The following SS18L1 variants were observed in gnomAD, a reference collection of about 807,000 sequenced individuals.
The protein encoded by SS18L1 is calcium-responsive transactivator.
Under a neutral mutation model 70.3 loss-of-function variants are expected in SS18L1, and 32 were observed. That is an observed-to-expected ratio of 0.46 (90% CI 0.34 to 0.61). The LOEUF (loss-of-function observed/expected upper bound fraction) is 0.61, where lower values mean the gene tolerates loss of function less well. Among genes scored for constraint, SS18L1 ranks in the 20% least tolerant of loss-of-function variants. The pLI is 0.01. For missense variants in SS18L1, 430 were observed against 542.1 expected (o/e 0.79, Z 2.05); for synonymous variants, 237 against 229.7 (o/e 1.03, Z -0.29).
At chr20:62,171,877 G>C (rs553034841) in intron 8 of SS18L1, among the ~76,000 whole-genome samples, 9 of 152,068 alleles carry the variant, frequency 5.9e-5, no homozygotes, top group African/African-American at 2.2e-4. Flanking sequence ...AATTACCTGG[G>C]CATGGTCGGG....
At chr20:62,150,636 T>A (rs1014487878) in intron 1 of SS18L1, among the ~76,000 whole-genome samples, 2 of 50,712 alleles carry the variant, frequency 3.9e-5, no homozygotes, top group South Asian at 9.7e-4. Context: ...GAGGTGGATT[T>A]TTTTTTTTTT....
chr20:62,174,285 C>T lies in SS18L1; in HGVS notation c.1037-232C>T, dbSNP rs1281829159. Among the ~76,000 whole-genome samples the T allele has an allele frequency of 6.6e-6, 1 of 152,022 alleles. No homozygotes were observed. Among genetic ancestry groups the T allele is most frequent in the Non-Finnish European group, 1.5e-5 (1 of 68,008 alleles). On this transcript the variant is annotated intron_variant, in intron 9 of 10. Transcript: ENST00000331758. This position sits in a 1 kb window ranked among gnomAD's most constrained non-coding sequence, Gnocchi z 4.1. ...GGGGCCTGGGGCACAGTCCTGGGAC[C>T]TCACAGGACTGGAGGGGCTGGTGAG...
In SS18L1 at chr20:62,179,141, C is replaced by T. The variant is rs745609136; in HGVS notation, c.1165-41C>T. ...GGTGGACGTCTGTCTTCCTTTCACT[C>T]ATTACTATAGGGGTGTAATCTGTGT... On this transcript the variant is annotated intron_variant, in intron 10 of 10. Coordinates refer to ENST00000331758, the MANE Select transcript of SS18L1 (RefSeq NM_198935.3). The T allele has an allele frequency of 6.8e-6, 11 of 1,612,196 alleles. No homozygotes were observed. In the East Asian group the frequency reaches 2.0e-4, roughly 29 times the overall value.
intron 3 of SS18L1, among the ~76,000 whole-genome samples, chr20:62,160,325 AGAGAGGTGGGGTGGG>A (rs2057303204): frequency 3.8e-5 from 1 of 26,202 alleles, no homozygotes; most frequent in African/African-American, 2.8e-4. Context: ...GGAGAGGTGG[AGAGAGGTGGGGTGGG>A]GAGAGGTGGA....
At chr20:62,157,362 G>A (rs979167284) in intron 1 of SS18L1, among the ~76,000 whole-genome samples, 2 of 152,246 alleles carry the variant, frequency 1.3e-5, no homozygotes, top group Non-Finnish European at 2.9e-5. Flanking sequence ...GGCGCTTTGG[G>A]AAGGAAACCT....
chr20:62,161,444 G>A lies in SS18L1; in HGVS notation c.240G>A (p.Thr80=), dbSNP rs765950209. Residue 80 remains threonine (T), a synonymous_variant, in exon 4 of 11, where the codon ACG becomes ACA. Coordinates refer to ENST00000331758, the MANE Select transcript of SS18L1 (RefSeq NM_198935.3). The surrounding 1 kb of genome is among the most constrained non-coding windows in gnomAD (Gnocchi z 4.4). ...CTTCCTGTTGCCTGCAGCCGCCCAC[G>A]CAGAACATGAACCTGGGCCCTGGAG... ...NMQSLLPAPP[T]QNMNLGPGAL... 6 of 1,612,790 alleles carry A rather than the reference G, an allele frequency of 3.7e-6. No individual in the cohort carries two copies. Among genetic ancestry groups the A allele is most frequent in the Admixed American group, 1.7e-5 (1 of 60,010 alleles).
At chr20:62,163,852 C>T (rs578016272) in intron 6 of SS18L1, among the ~76,000 whole-genome samples, 4 of 152,064 alleles carry the variant, frequency 2.6e-5, no homozygotes, top group South Asian at 2.1e-4. Context: ...GGGGCAGGGG[C>T]GGCAGTTGTC....
rs74586682 is a variant in SS18L1, at chr20:62,180,311, A to G, written c.*1103A>G. Reference sequence around the variant, plus strand: ...AACTTGAGTAATTTTTACATTTCTAAGACATTAAATCCCATTTAAATTCTG... The same window carrying G: ...AACTTGAGTAATTTTTACATTTCTAGGACATTAAATCCCATTTAAATTCTG... On this transcript the variant is annotated 3_prime_UTR_variant, in exon 11 of 11. Transcript: ENST00000331758. The G allele has an allele frequency of 0.029, 5,439 of 190,174 alleles. 288 individuals carry two copies. Among genetic ancestry groups the G allele is most frequent in the African/African-American group, 0.12 (5,034 of 42,998 alleles). The allele number at this position is 190,174 out of a possible 1,614,324, so 11.8% of individuals were successfully genotyped here. A position where few individuals can be genotyped will look rare whatever the true frequency, so the allele number is the denominator to read the frequency against.
At chr20:62,177,675 T>C (rs1188392824) in intron 10 of SS18L1, among the ~76,000 whole-genome samples, 1 of 152,236 alleles carries the variant, frequency 6.6e-6, no homozygotes, top group African/African-American at 2.4e-5. Flanking sequence ...GAATTCTGCC[T>C]TGTGGCCTTG....
intron 1 of SS18L1, chr20:62,154,609 C>T: frequency 4.5e-6 from 4 of 897,224 alleles, no homozygotes; most frequent in Non-Finnish European, 5.4e-6. Context: ...GAGGTCGTTG[C>T]ACCCTGCGGG....
At chr20:62,167,961 A>G (rs1424065324) in intron 8 of SS18L1, among the ~76,000 whole-genome samples, 1 of 143,838 alleles carries the variant, frequency 7.0e-6, no homozygotes, top group African/African-American at 2.6e-5. Flanking sequence ...GACTAAAGGC[A>G]TGCACCACCA....
chr20:62,145,500 G>A (rs886691842), intron 1 of SS18L1, among the ~76,000 whole-genome samples: 1 of 152,188 alleles, frequency 6.6e-6, no homozygotes, highest in African/African-American at 2.4e-5. Flanking sequence ...GTTTTTTGGA[G>A]CTTAACAGTC....
chr20:62,150,362 T>C (rs935931501), intron 1 of SS18L1, among the ~76,000 whole-genome samples: 1 of 151,268 alleles, frequency 6.6e-6, no homozygotes, highest in Non-Finnish European at 1.5e-5. Flanking sequence ...AGAACAGGAG[T>C]GGCAGGCGCT....
chr20:62,157,367 A>G (rs993622867), intron 1 of SS18L1, among the ~76,000 whole-genome samples: 3 of 152,190 alleles, frequency 2.0e-5, no homozygotes, highest in Non-Finnish European at 4.4e-5. Context: ...TTTGGGAAGG[A>G]AACCTGGGGA....
At chr20:62,167,619 G>A (rs988207246) in intron 8 of SS18L1, among the ~76,000 whole-genome samples, 24 of 152,118 alleles carry the variant, frequency 1.6e-4, no homozygotes, top group Non-Finnish European at 3.2e-4. Context: ...ATTGGCTGCA[G>A]TGGTGCCTCC....
chr20:62,158,608 C>T lies in SS18L1; in HGVS notation c.70-64C>T. ...ATGAAAACTAGATGTGTAGCGATGG[C>T]TGTTCATCCCGAGGGTCAGCGACAG... is the stretch of plus-strand genomic sequence containing the variant. On this transcript the variant is annotated intron_variant, in intron 1 of 10. Coordinates refer to ENST00000331758, the MANE Select transcript of SS18L1 (RefSeq NM_198935.3). This position sits in a 1 kb window ranked among gnomAD's most constrained non-coding sequence, Gnocchi z 4.5. 6.3e-7 allele frequency: 1 copy of T among 1,585,268 alleles called. No individual in the cohort carries two copies. Among genetic ancestry groups the T allele is most frequent in the Non-Finnish European group, 8.6e-7 (1 of 1,168,660 alleles).
Position 62,161,305 on chromosome 20 carries a change from T to G in SS18L1, c.232-131T>G, listed in dbSNP as rs1369904348. The G allele has an allele frequency of 3.0e-6, 4 of 1,313,196 alleles. No homozygotes were observed. Among genetic ancestry groups the G allele is most frequent in the Admixed American group, 1.9e-5 (1 of 53,994 alleles). The allele number at this position is 1,313,196 out of a possible 1,614,324, so 81.3% of individuals were successfully genotyped here. ...CCTGGCTGTGACGATGGCTGCTGATTACGAACATTGACCAGGTGGCCATGA... is the reference window on the plus strand; with the variant it reads ...CCTGGCTGTGACGATGGCTGCTGATGACGAACATTGACCAGGTGGCCATGA... On this transcript the variant is annotated intron_variant, in intron 3 of 10. Coordinates refer to ENST00000331758, the MANE Select transcript of SS18L1 (RefSeq NM_198935.3). This position sits in a 1 kb window ranked among gnomAD's most constrained non-coding sequence, Gnocchi z 4.4.
rs2057259925 is a variant in SS18L1, at chr20:62,158,311, G to A, written c.70-361G>A. On this transcript the variant is annotated intron_variant, in intron 1 of 10. Transcript: ENST00000331758. The surrounding 1 kb of genome is among the most constrained non-coding windows in gnomAD (Gnocchi z 4.5). ...TGAAGTCCCCAGCACAGGGAGGTGT[G>A]AATGTTCGGTCTGTGGTGGCTGAGG... 6.6e-6 allele frequency among the ~76,000 whole-genome samples: 1 copy of A among 151,776 alleles called. No individual in the cohort carries two copies. Among genetic ancestry groups the A allele is most frequent in the Admixed American group, 6.6e-5 (1 of 15,208 alleles).
chr20:62,156,938 T>C (rs2057233542), intron 1 of SS18L1, among the ~76,000 whole-genome samples: 1 of 152,188 alleles, frequency 6.6e-6, no homozygotes, highest in Non-Finnish European at 1.5e-5. Flanking sequence ...AAAGGCCTTT[T>C]TATGAAAAGC....
Sources: gnomAD v4.1 joint callset for allele counts (sites outside exome capture counted in the v4.1 genomes callset) on GRCh38, gnomAD v4.1.1 for gene constraint, Gnocchi (gnomAD v3.1) non-coding constraint, MANE v1.5 for transcripts, NCBI Gene and HGNC (gene_info 2026-07-23, HGNC 2026-07-21) for gene names.